COL21A1: variants seen among roughly 807,000 people sequenced by gnomAD.
The protein encoded by COL21A1 is collagen type XXI alpha 1 chain.
A neutral mutation model predicts 137.9 loss-of-function variants in COL21A1; 149 were observed. The observed-to-expected ratio is 1.08, with a 90% CI of 0.95 to 1.24. The LOEUF (loss-of-function observed/expected upper bound fraction) is 1.24. COL21A1 is among the 50% of genes most tolerant of loss of function. COL21A1 has a pLI of 0.00. For missense variants in COL21A1, 1,167 were observed against 1,158.4 expected, an observed-to-expected ratio of 1.01 and a Z score of -0.11; for synonymous variants, 456 against 391.5, an observed-to-expected ratio of 1.16 and a Z score of -1.95.
chr6:56,089,374 T>C (rs1768568991), intron 17 of COL21A1, among the ~76,000 whole-genome samples: 2 of 152,218 alleles, frequency 1.3e-5, no homozygotes, highest in African/African-American at 4.8e-5. Flanking sequence ...TTGTGATCAA[T>C]TTTAAATTTT....
At chr6:56,391,220 T>C (rs1228669880) in intron 1 of COL21A1, among the ~76,000 whole-genome samples, 2 of 152,234 alleles carry the variant, frequency 1.3e-5, no homozygotes, top group African/African-American at 4.8e-5. Flanking sequence ...CCTGAATGGC[T>C]ACTGGGTCAA....
At chr6:56,151,897 C>G (rs1334338233) in intron 10 of COL21A1, among the ~76,000 whole-genome samples, 1 of 152,122 alleles carries the variant, frequency 6.6e-6, no homozygotes, top group Admixed American at 6.5e-5. Flanking sequence ...CACCCAACGT[C>G]ACATTCCCTA....
chr6:56,258,314 T>G (rs1329301014), intron 1 of COL21A1, among the ~76,000 whole-genome samples: 1 of 152,178 alleles, frequency 6.6e-6, no homozygotes, highest in African/African-American at 2.4e-5. Flanking sequence ...GAGTCTGCCC[T>G]GTGCTCTTTT....
chr6:56,171,801 T>A (rs1312262113), intron 3 of COL21A1, among the ~76,000 whole-genome samples: 1 of 151,822 alleles, frequency 6.6e-6, no homozygotes, highest in Non-Finnish European at 1.5e-5. Context: ...TTCTTAAGAA[T>A]AATCATTAGC....
At chr6:56,093,853 C>T (rs1769082703) in intron 17 of COL21A1, among the ~76,000 whole-genome samples, 1 of 152,120 alleles carries the variant, frequency 6.6e-6, no homozygotes. Flanking sequence ...AGACAAGAGG[C>T]TCCTCCCCAG....
Position 56,145,943 on chromosome 6 carries a change from A to G in COL21A1, c.1435-3960T>C, listed in dbSNP as rs1347872024. 5.3e-5 allele frequency among the ~76,000 whole-genome samples: 8 copies of G among 151,978 alleles called. 1 individual carries two copies. Among genetic ancestry groups the G allele is most frequent in the Admixed American group, 5.2e-4 (8 of 15,244 alleles). On this transcript the variant is annotated intron_variant, in intron 10 of 29. Coordinates refer to ENST00000244728, the MANE Select transcript of COL21A1 (RefSeq NM_030820.4). ...TACAGAATCAATTTAATTTTCCTCC[A>G]TGATTCATAGTTACAAAGCTTCAGG...
At position 56,164,424 on chromosome 6, in the gene COL21A1, T is replaced by C. The variant is rs1380927952; in HGVS notation, c.1370A>G (p.Lys457Arg). Residue 457 changes from lysine (K) to arginine (R), a missense_variant and splice_region_variant, in exon 9 of 30, where the codon AAA becomes AGA. Transcript: ENST00000244728. The part of the protein sequence containing the change: ...PPGKPGLQGP[K>R]GDPGLPGNPG... ...AACAGCAAGTTAGGTGTTACCCACT[T>C]TGGGGCCTTGAAGTCCTGGTTTTCC... 5.7e-6 allele frequency: 9 copies of C among 1,575,520 alleles called. No individual in the cohort carries two copies. The highest frequency in any genetic ancestry group is 6.0e-6 in the Non-Finnish European group (7 of 1,158,570).
intron 1 of COL21A1, among the ~76,000 whole-genome samples, chr6:56,213,046 G>GTT (rs1210046774): frequency 2.6e-5 from 4 of 151,958 alleles, no homozygotes; most frequent in Non-Finnish European, 5.9e-5. Context: ...CTTAGACTCA[G>GTT]TTTTCTTTTC....
At chr6:56,165,356 G>T (rs1776493386) in intron 7 of COL21A1, among the ~76,000 whole-genome samples, 1 of 152,100 alleles carries the variant, frequency 6.6e-6, no homozygotes, top group Non-Finnish European at 1.5e-5. Flanking sequence ...AGGTGCAAAA[G>T]GCAAACAGGC....
chr6:56,220,834 T>C (rs888887349), intron 1 of COL21A1, among the ~76,000 whole-genome samples: 11 of 152,130 alleles, frequency 7.2e-5, no homozygotes, highest in Non-Finnish European at 1.5e-4. Flanking sequence ...GTAGAAACTA[T>C]ACTATTACCT....
At chr6:56,319,080 C>T (rs911107118) in intron 1 of COL21A1, among the ~76,000 whole-genome samples, 9 of 152,182 alleles carry the variant, frequency 5.9e-5, no homozygotes, top group Middle Eastern at 3.2e-3. Flanking sequence ...GCACTTGACA[C>T]AGTTGATCGC....
At chr6:56,305,490 G>A (rs1315037909) in intron 1 of COL21A1, among the ~76,000 whole-genome samples, 2 of 152,072 alleles carry the variant, frequency 1.3e-5, no homozygotes, top group South Asian at 4.1e-4. Context: ...TTATGTAATG[G>A]CCTTCTTTAT....
intron 17 of COL21A1, among the ~76,000 whole-genome samples, chr6:56,095,992 G>A (rs1465367743): frequency 1.3e-5 from 2 of 151,882 alleles, no homozygotes; most frequent in Admixed American, 6.6e-5. Flanking sequence ...GATTACAGGC[G>A]CCCACCACCA....
intron 1 of COL21A1, among the ~76,000 whole-genome samples, chr6:56,310,274 A>G (rs1475182643): frequency 6.6e-6 from 1 of 152,178 alleles, no homozygotes; most frequent in African/African-American, 2.4e-5. Flanking sequence ...CTGGGTGCCT[A>G]TCTTTTTGCT....
rs1776415163 is a variant in COL21A1 at position 56,164,422 on chromosome 6, C to T, written c.1371+1G>A. 1 of 1,574,164 alleles carries T rather than the reference C, an allele frequency of 6.4e-7. No individual in the cohort carries two copies. Among genetic ancestry groups the T allele is most frequent in the South Asian group, 1.2e-5 (1 of 85,750 alleles). ...AAAACAGCAAGTTAGGTGTTACCCA[C>T]TTTGGGGCCTTGAAGTCCTGGTTTT... On this transcript the variant is annotated splice_donor_variant, in intron 9 of 29. Transcript: ENST00000244728. LOFTEE classifies it high-confidence loss of function.
intron 18 of COL21A1, among the ~76,000 whole-genome samples, chr6:56,075,895 A>G (rs1213301516): frequency 6.6e-6 from 1 of 151,472 alleles, no homozygotes. Context: ...AGAAAAATAG[A>G]CTAAAAAAAT....
chr6:56,265,279 C>T (rs1763368349), intron 1 of COL21A1, among the ~76,000 whole-genome samples: 1 of 152,134 alleles, frequency 6.6e-6, no homozygotes, highest in South Asian at 2.1e-4. Flanking sequence ...GAACAGATGC[C>T]AAGTGGGGAG....
chr6:56,301,372 T>C (rs908565932), intron 1 of COL21A1, among the ~76,000 whole-genome samples: 1 of 152,166 alleles, frequency 6.6e-6, no homozygotes, highest in African/African-American at 2.4e-5. Flanking sequence ...CTCTAGAAGC[T>C]GAAAAGGCAA....
intron 1 of COL21A1, among the ~76,000 whole-genome samples, chr6:56,186,239 A>G (rs1007594143): frequency 6.6e-6 from 1 of 152,092 alleles, no homozygotes; most frequent in African/African-American, 2.4e-5. Context: ...AAGAGACTAG[A>G]AAAAAAATCA....
Sources: gnomAD v4.1 joint callset for allele counts (sites outside exome capture counted in the v4.1 genomes callset) on GRCh38, gnomAD v4.1.1 for gene constraint, MANE v1.5 for transcripts, NCBI Gene and HGNC (gene_info 2026-07-23, HGNC 2026-07-21) for gene names.